The following RBFOX1 variants were observed in gnomAD, a reference collection of about 807,000 sequenced individuals.
RBFOX1 encodes RNA binding protein fox-1 homolog 1.
Under a neutral mutation model 57.7 loss-of-function variants are expected in RBFOX1, and 8 were observed. The observed-to-expected ratio is 0.14, with a 90% CI of 0.08 to 0.25. The LOEUF (loss-of-function observed/expected upper bound fraction) is 0.25, where lower values mean the gene tolerates loss of function less well. RBFOX1 is among the 10% of genes least tolerant of loss of function. The pLI is 1.00. For synonymous variants in RBFOX1, 326 were observed against 222.4 expected, an observed-to-expected ratio of 1.47 and a Z score of -4.15; for missense variants, 611 against 548.5, an observed-to-expected ratio of 1.11 and a Z score of -1.14.
chr16:5,908,095 T>TATATATATATATATACACAC (rs1567133450), intron 4 of RBFOX1, among the ~76,000 whole-genome samples: 2 of 139,886 alleles, frequency 1.4e-5, no homozygotes, highest in African/African-American at 6.0e-5. Context: ...TACACATATA[T>TATATATATATATATACACAC]ACACATATAT....
chr16:7,256,399 A>G (rs1373331766), intron 4 of RBFOX1, among the ~76,000 whole-genome samples: 1 of 152,174 alleles, frequency 6.6e-6, no homozygotes, highest in Non-Finnish European at 1.5e-5. Flanking sequence ...TTGAAAGACA[A>G]AGGCGGCTGT....
At chr16:5,668,036 C>A (rs2049902090) in intron 3 of RBFOX1, among the ~76,000 whole-genome samples, 1 of 151,976 alleles carries the variant, frequency 6.6e-6, no homozygotes, top group South Asian at 2.1e-4. Context: ...AAAATTCCAA[C>A]AACCACATCA....
At chr16:7,696,080 C>T (rs545651447) in intron 14 of RBFOX1, among the ~76,000 whole-genome samples, 2 of 152,290 alleles carry the variant, frequency 1.3e-5, no homozygotes, top group Non-Finnish European at 2.9e-5. Context: ...GTCGAGAGTG[C>T]CAACACATCT....
At position 5,341,846 on chromosome 16, in the gene RBFOX1, C is replaced by T. The variant is rs117645753; in HGVS notation, c.219+101741C>T. 9.0e-3 allele frequency among the ~76,000 whole-genome samples: 1,364 copies of T among 152,198 alleles called. 12 individuals carry two copies. The highest frequency in any genetic ancestry group is 0.015 in the Non-Finnish European group (1,041 of 68,012). ...TTCGGACCATGTTAAGTTTGAGGGG[C>T]GAGTTAGGCATCCCAGCAGAGCTGC... On this transcript the variant is annotated intron_variant, in intron 1 of 2. Transcript: ENST00000585867.
At chr16:5,867,450 C>T (rs1427329787) in intron 4 of RBFOX1, 7 of 745,822 alleles carry the variant, frequency 9.4e-6, no homozygotes, top group African/African-American at 1.8e-5. Context: ...TTCCTGGTGG[C>T]TTGGATGGTG....
chr16:7,142,505 G>A (rs2074039813), intron 4 of RBFOX1, among the ~76,000 whole-genome samples: 1 of 152,122 alleles, frequency 6.6e-6, no homozygotes, highest in Non-Finnish European at 1.5e-5. Context: ...ACCCCTGAGT[G>A]TTTGTATGGG....
intron 4 of RBFOX1, among the ~76,000 whole-genome samples, chr16:7,404,028 CTTTTA>C (rs57717446): frequency 0.026 from 3,356 of 129,950 alleles, 128 homozygotes; most frequent in African/African-American, 0.085. Flanking sequence ...ATTTCATTTC[CTTTTA>C]TTTTATTTTA....
intron 11 of RBFOX1, among the ~76,000 whole-genome samples, chr16:7,652,729 G>A (rs900530561): frequency 5.3e-5 from 8 of 152,112 alleles, no homozygotes; most frequent in African/African-American, 9.7e-5. Context: ...TTTAAGGGTC[G>A]GGGTCCCAGA....
chr16:6,488,450 A>C (rs568941733), intron 2 of RBFOX1, among the ~76,000 whole-genome samples: 4 of 152,330 alleles, frequency 2.6e-5, no homozygotes, highest in African/African-American at 9.6e-5. Context: ...CCCTCTGTGC[A>C]TCAGACATTG....
At chr16:5,342,397 G>C (rs891406947) in intron 1 of RBFOX1, among the ~76,000 whole-genome samples, 5 of 152,178 alleles carry the variant, frequency 3.3e-5, no homozygotes, top group Non-Finnish European at 5.9e-5. Context: ...CAGGCTTGGT[G>C]AATAATGCCT....
intron 1 of RBFOX1, among the ~76,000 whole-genome samples, chr16:6,186,810 A>T (rs543265205): frequency 2.6e-5 from 4 of 152,168 alleles, no homozygotes; most frequent in African/African-American, 9.7e-5. Flanking sequence ...GAAGAGGTCA[A>T]TCCTCCATGT....
Position 6,390,130 on chromosome 16 carries a change from G to C in RBFOX1, c.-64+73073G>C, listed in dbSNP as rs79997993. Among the ~76,000 whole-genome samples, 134 of 152,330 alleles carry C rather than the reference G, an allele frequency of 8.8e-4. 4 individuals carry two copies. In the South Asian group the frequency reaches 0.013, roughly 15 times the overall value. ...TTGTTTTCTAAGTGGATGCTAATCC[G>C]TTAATTAGAAGGTTTGCAGTTATCC... is the stretch of plus-strand genomic sequence containing the variant. On this transcript the variant is annotated intron_variant, in intron 2 of 15. Transcript: ENST00000550418.
rs1413855917 is a variant in RBFOX1, at chr16:6,874,186, C to CAG, written c.-15-177870_-15-177869insGA. ...AAAGAAACTATGGTGTGTGCATACACACACAAACACATGCTACTCAGCCAT... is the reference window on the plus strand; with the variant it reads ...AAAGAAACTATGGTGTGTGCATACACAGACACAAACACATGCTACTCAGCCAT... On this transcript the variant is annotated intron_variant, in intron 3 of 15. Coordinates refer to ENST00000550418, the MANE Select transcript of RBFOX1 (RefSeq NM_018723.4). Among the ~76,000 whole-genome samples, 7 of 151,544 alleles carry CAG rather than the reference C, an allele frequency of 4.6e-5. No individual in the cohort carries two copies. In the East Asian group the frequency reaches 1.2e-3, roughly 25 times the overall value.
intron 6 of RBFOX1, among the ~76,000 whole-genome samples, chr16:7,586,845 T>G (rs770650052): frequency 3.3e-5 from 5 of 152,214 alleles, no homozygotes; most frequent in Non-Finnish European, 7.3e-5. Context: ...CACATCACAT[T>G]CTCACTGGAC....
intron 2 of RBFOX1, among the ~76,000 whole-genome samples, chr16:6,371,676 A>G (rs1313466813): frequency 6.6e-6 from 1 of 152,180 alleles, no homozygotes; most frequent in East Asian, 1.9e-4. Flanking sequence ...GGTGTTTAGA[A>G]ACAAAGTTCT....
At chr16:6,513,867 C>T (rs570713909) in intron 2 of RBFOX1, among the ~76,000 whole-genome samples, 4 of 152,248 alleles carry the variant, frequency 2.6e-5, no homozygotes, top group African/African-American at 9.6e-5. Context: ...GACTAGGACG[C>T]ATAATCCAAT....
chr16:7,110,668 A>C (rs2064563387), intron 4 of RBFOX1, among the ~76,000 whole-genome samples: 1 of 152,182 alleles, frequency 6.6e-6, no homozygotes, highest in African/African-American at 2.4e-5. Flanking sequence ...ATATTCATTC[A>C]CCATAGTTAA....
At chr16:6,003,050 C>T (rs568424507) in intron 4 of RBFOX1, among the ~76,000 whole-genome samples, 13 of 152,158 alleles carry the variant, frequency 8.5e-5, no homozygotes, top group Admixed American at 3.9e-4. Context: ...GAGGCTGAGG[C>T]GGGTGGATCA....
intron 3 of RBFOX1, among the ~76,000 whole-genome samples, chr16:6,895,294 T>TA (rs905450864): frequency 2.0e-5 from 3 of 151,458 alleles, no homozygotes; most frequent in South Asian, 2.1e-4. Context: ...TGGATAGCTC[T>TA]AAAAAATATA....
Sources: allele counts gnomAD v4.1 joint callset (sites outside exome capture counted in the v4.1 genomes callset), GRCh38; gene constraint gnomAD v4.1.1; transcripts MANE v1.5; gene names NCBI Gene and HGNC (gene_info 2026-07-23, HGNC 2026-07-21).